HDAC9: variants seen among roughly 807,000 people sequenced by gnomAD.
HDAC9 encodes histone deacetylase 9, also known as MEF-2 interacting transcription repressor (MITR) protein.
Under a neutral mutation model 139.4 loss-of-function variants are expected in HDAC9, and 41 were observed. The ratio of observed to expected loss-of-function variants is 0.29; its 90% confidence interval spans 0.23 to 0.38. HDAC9 has a LOEUF of 0.38. HDAC9 is among the 10% of genes least tolerant of loss of function. The pLI is 1.00. For missense variants in HDAC9, 1,147 were observed against 1,297.0 expected (o/e 0.88, Z 1.78); for synonymous variants, 517 against 476.2 (o/e 1.09, Z -1.12).
chr7:18,298,226 A>G (rs975840636), intron 1 of HDAC9, among the ~76,000 whole-genome samples: 5 of 151,534 alleles, frequency 3.3e-5, no homozygotes, highest in Non-Finnish European at 7.4e-5. Flanking sequence ...TCTGATCCAT[A>G]TTTATCTAAC....
At chr7:18,135,555 T>C (rs1428384429) in intron 1 of HDAC9, among the ~76,000 whole-genome samples, 1 of 135,776 alleles carries the variant, frequency 7.4e-6, no homozygotes, top group African/African-American at 2.8e-5. Flanking sequence ...ATGCGGTGTT[T>C]GGTTTTTTGT....
chr7:18,545,862 A>C (rs1376588278), intron 2 of HDAC9, among the ~76,000 whole-genome samples: 2 of 152,184 alleles, frequency 1.3e-5, no homozygotes, highest in Admixed American at 1.3e-4. Context: ...ATACCTCCCT[A>C]CTTATATAGG....
intron 1 of HDAC9, among the ~76,000 whole-genome samples, chr7:18,379,505 T>TGAAA (rs1785254135): frequency 6.6e-6 from 1 of 152,216 alleles, no homozygotes; most frequent in Non-Finnish European, 1.5e-5. Context: ...TCCTGTCCTA[T>TGAAA]GAAAGAAATT....
Position 18,109,636 on chromosome 7 carries a change from T to G in HDAC9, c.-97+22423T>G, listed in dbSNP as rs149435554. 7.9e-3 allele frequency among the ~76,000 whole-genome samples: 1,202 copies of G among 152,256 alleles called. 12 individuals are homozygous for G. Among genetic ancestry groups the G allele is most frequent in the African/African-American group, 0.027 (1,132 of 41,546 alleles). On this transcript the variant is annotated intron_variant, in intron 1 of 12. Transcript: ENST00000417496. ...TTTTACTTTGTTTAATGCTGTGTAT[T>G]AAATTTCTTTAATTGCTGGTTTCTT... is the stretch of plus-strand genomic sequence containing the variant.
chr7:18,602,515 C>A (rs1264644040), intron 6 of HDAC9, among the ~76,000 whole-genome samples: 1 of 150,566 alleles, frequency 6.6e-6, no homozygotes, highest in Non-Finnish European at 1.5e-5. Flanking sequence ...GTTATTTTTC[C>A]TCTATTTTTT....
At chr7:18,843,597 A>T (rs1796721904) in intron 21 of HDAC9, among the ~76,000 whole-genome samples, 1 of 152,052 alleles carries the variant, frequency 6.6e-6, no homozygotes, top group South Asian at 2.1e-4. Flanking sequence ...AAAGTTACTT[A>T]TCCTTTACTT....
intron 1 of HDAC9, among the ~76,000 whole-genome samples, chr7:18,090,879 C>T (rs113133889): frequency 1.5e-3 from 222 of 152,148 alleles, no homozygotes; most frequent in African/African-American, 5.2e-3. Flanking sequence ...AGGACAGAAA[C>T]TTGTTCTTTT....
At chr7:18,605,989 G>A (rs1835390044) in intron 6 of HDAC9, among the ~76,000 whole-genome samples, 1 of 152,082 alleles carries the variant, frequency 6.6e-6, no homozygotes, top group Non-Finnish European at 1.5e-5. Context: ...TGCCCCTGGA[G>A]TTTTTAACTC....
At chr7:18,088,451 C>G (rs967167084) in intron 1 of HDAC9, among the ~76,000 whole-genome samples, 1 of 151,988 alleles carries the variant, frequency 6.6e-6, no homozygotes, top group South Asian at 2.1e-4. Context: ...AAAGGGAGTA[C>G]GTACATAGAA....
At chr7:18,649,046 G>C (rs1788364741) in intron 11 of HDAC9, among the ~76,000 whole-genome samples, 1 of 152,178 alleles carries the variant, frequency 6.6e-6, no homozygotes, top group African/African-American at 2.4e-5. Context: ...CAAAAAGTTT[G>C]TACAGGTGAT....
At chr7:18,300,378 G>A (rs1233035420) in intron 1 of HDAC9, among the ~76,000 whole-genome samples, 8 of 152,002 alleles carry the variant, frequency 5.3e-5, no homozygotes, top group Non-Finnish European at 1.2e-4. Flanking sequence ...CACTCCTGGT[G>A]GAAGGCTTTC....
intron 22 of HDAC9, among the ~76,000 whole-genome samples, chr7:18,877,854 G>A (rs945576438): frequency 6.6e-6 from 1 of 151,972 alleles, no homozygotes; most frequent in Non-Finnish European, 1.5e-5. Flanking sequence ...TATATTAAGT[G>A]TTTTCTGTTA....
intron 13 of HDAC9, among the ~76,000 whole-genome samples, chr7:18,728,976 G>C (rs1192453880): frequency 6.6e-6 from 1 of 152,000 alleles, no homozygotes; most frequent in Non-Finnish European, 1.5e-5. Context: ...CTACTTCCAG[G>C]AGCATAGCAA....
At chr7:18,314,028 A>G (rs1271173518) in intron 1 of HDAC9, among the ~76,000 whole-genome samples, 1 of 152,194 alleles carries the variant, frequency 6.6e-6, no homozygotes, top group Non-Finnish European at 1.5e-5. Flanking sequence ...TGTGAGTTTA[A>G]TTAGATGGCC....
chr7:18,366,224 G>A (rs1784169100), intron 1 of HDAC9, among the ~76,000 whole-genome samples: 1 of 152,110 alleles, frequency 6.6e-6, no homozygotes, highest in African/African-American at 2.4e-5. Context: ...CTGTAAGCAA[G>A]GCTTGTTCAG....
chr7:18,365,980 T>C (rs1427563193), intron 1 of HDAC9, among the ~76,000 whole-genome samples: 1 of 151,680 alleles, frequency 6.6e-6, no homozygotes, highest in Admixed American at 6.6e-5. Flanking sequence ...ATTTCTTCTC[T>C]ATTAAAAATT....
intron 25 of HDAC9, 64 bp from the exon 26 acceptor site, chr7:18,995,959 T>C: frequency 7.8e-7 from 1 of 1,280,554 alleles, no homozygotes; most frequent in Non-Finnish European, 1.1e-6. Context: ...TGATTATGCA[T>C]GAAAATCTAC....
At chr7:18,894,462 A>G (rs1262924096) in intron 22 of HDAC9, among the ~76,000 whole-genome samples, 1 of 152,128 alleles carries the variant, frequency 6.6e-6, no homozygotes, top group Non-Finnish European at 1.5e-5. Context: ...AAATGTCCTT[A>G]AAGGGTCAAG....
chr7:18,716,545 CAT>C (rs61663673), intron 12 of HDAC9, among the ~76,000 whole-genome samples: 65,119 of 150,638 alleles, frequency 0.43, 16,799 homozygotes, highest in African/African-American at 0.73. Flanking sequence ...AACTAGTTTT[CAT>C]ATATATATAT....
Sources: gnomAD v4.1 joint callset for allele counts (sites outside exome capture counted in the v4.1 genomes callset) on GRCh38, gnomAD v4.1.1 for gene constraint, MANE v1.5 for transcripts, NCBI Gene and HGNC (gene_info 2026-07-23, HGNC 2026-07-21) for gene names.